Variants in NBAS observed in about 807,000 individuals in gnomAD.
The protein encoded by NBAS is NBAS subunit of NRZ tethering complex.
A neutral mutation model predicts 302.5 loss-of-function variants in NBAS; 219 were observed. The ratio of observed to expected loss-of-function variants is 0.72; its 90% CI spans 0.65 to 0.81. NBAS has a LOEUF of 0.81. Among genes scored for constraint, NBAS ranks in the 30% least tolerant of loss-of-function variants. The pLI, the probability that NBAS is intolerant of heterozygous loss-of-function variation, is 0.00. For missense variants in NBAS, 2,932 were observed against 2,841.6 expected (o/e 1.03, Z -0.72); for synonymous variants, 1,118 against 1,021.6 (o/e 1.09, Z -1.80).
the NBAS span, among the ~76,000 whole-genome samples, chr2:14,812,815 C>T: frequency 6.6e-6 from 1 of 152,098 alleles, no homozygotes; most frequent in African/African-American, 2.4e-5. Context: ...TGTGTCTGCA[C>T]CCAAATCGCG....
At chr2:15,416,112 T>C (rs1170662010) in intron 24 of NBAS, among the ~76,000 whole-genome samples, 1 of 150,296 alleles carries the variant, frequency 6.7e-6, no homozygotes, top group Non-Finnish European at 1.5e-5. Context: ...AGAGAGAGTA[T>C]AAAAAGAGGC....
intron 35 of NBAS, among the ~76,000 whole-genome samples, chr2:15,351,762 T>C (rs759214236): frequency 6.6e-6 from 1 of 152,014 alleles, no homozygotes; most frequent in South Asian, 2.1e-4. Flanking sequence ...TTCATGGGTG[T>C]TGTCTTTATG....
At chr2:15,293,099 C>T (rs1670386387) in intron 40 of NBAS, among the ~76,000 whole-genome samples, 1 of 152,156 alleles carries the variant, frequency 6.6e-6, no homozygotes, top group Non-Finnish European at 1.5e-5. Flanking sequence ...ATTTGTCTGC[C>T]AACCATCTGA....
intron 44 of NBAS, among the ~76,000 whole-genome samples, chr2:15,245,392 C>T (rs770997812): frequency 6.6e-6 from 1 of 152,138 alleles, no homozygotes; most frequent in Non-Finnish European, 1.5e-5. Context: ...CCCTCTACTT[C>T]TCTTGGGACT....
chr2:15,488,801 G>A, intron 12 of NBAS, 93 bp downstream of exon 12: 1 of 1,476,894 alleles, frequency 6.8e-7, no homozygotes, highest in Non-Finnish European at 9.4e-7. Context: ...AGAATAAACA[G>A]CTGTGTACTA....
intron 44 of NBAS, among the ~76,000 whole-genome samples, chr2:15,259,193 T>C (rs1056536704): frequency 1.8e-4 from 27 of 152,232 alleles, no homozygotes; most frequent in African/African-American, 6.0e-4. Flanking sequence ...TTTTTAAATG[T>C]TACTTTCTAT....
At chr2:15,257,381 A>T (rs1415854005) in intron 44 of NBAS, among the ~76,000 whole-genome samples, 3 of 150,302 alleles carry the variant, frequency 2.0e-5, no homozygotes, top group African/African-American at 7.3e-5. Context: ...TATCAGTTGT[A>T]ACATCTCCCA....
At chr2:15,029,938 G>A in the NBAS span, among the ~76,000 whole-genome samples, 1 of 152,160 alleles carries the variant, frequency 6.6e-6, no homozygotes, top group Non-Finnish European at 1.5e-5. Flanking sequence ...TATTTGCAGT[G>A]TTTTCTCAAA....
chr2:14,975,932 C>T, the NBAS span, among the ~76,000 whole-genome samples: 268 of 152,308 alleles, frequency 1.8e-3, 1 homozygote, highest in Admixed American at 0.015. Context: ...AAGGAACATG[C>T]CCTCTGACAA....
chr2:15,313,495 T>C (rs1056512359), intron 38 of NBAS, among the ~76,000 whole-genome samples: 2 of 152,220 alleles, frequency 1.3e-5, no homozygotes, highest in African/African-American at 4.8e-5. Context: ...AATCGATGTC[T>C]TTCTTGATCA....
chr2:15,077,430 AT>A, the NBAS span, among the ~76,000 whole-genome samples: 1 of 152,218 alleles, frequency 6.6e-6, no homozygotes, highest in East Asian at 1.9e-4. Flanking sequence ...AGTTCAACAA[AT>A]TTCCTTGGAA....
chr2:14,860,909 G>A, the NBAS span, among the ~76,000 whole-genome samples: 1 of 152,104 alleles, frequency 6.6e-6, no homozygotes, highest in African/African-American at 2.4e-5. Flanking sequence ...CAGTTACACT[G>A]ATTTGACCGT....
At chr2:15,007,204 A>G in the NBAS span, among the ~76,000 whole-genome samples, 1 of 152,162 alleles carries the variant, frequency 6.6e-6, no homozygotes, top group Admixed American at 6.5e-5. Context: ...ATCCGGATAC[A>G]CTAGGTGAGG....
chr2:15,072,538 T>G, the NBAS span, among the ~76,000 whole-genome samples: 1 of 152,350 alleles, frequency 6.6e-6, no homozygotes, highest in Admixed American at 6.5e-5. Flanking sequence ...CTTTGAAATT[T>G]CTCCAATAGA....
chr2:15,216,934 A>C (rs889061350), intron 48 of NBAS, among the ~76,000 whole-genome samples: 2 of 152,250 alleles, frequency 1.3e-5, no homozygotes, highest in Admixed American at 1.3e-4. Context: ...AGGAAAGTAC[A>C]TAACTGTAGT....
intron 42 of NBAS, 147 bp from the exon 43 acceptor site, chr2:15,277,248 A>G (rs1268488356): frequency 5.0e-6 from 5 of 1,004,976 alleles, no homozygotes; most frequent in Non-Finnish European, 7.2e-6. Context: ...GAAGCCAGTC[A>G]GCCTGAATAA....
intron 26 of NBAS, among the ~76,000 whole-genome samples, chr2:15,400,544 C>T (rs948399157): frequency 2.0e-5 from 3 of 152,002 alleles, no homozygotes; most frequent in African/African-American, 7.3e-5. Flanking sequence ...AATAACAACA[C>T]GAGCATAACA....
At chr2:15,147,131 G>A in the NBAS span, among the ~76,000 whole-genome samples, 1 of 152,144 alleles carries the variant, frequency 6.6e-6, no homozygotes, top group Non-Finnish European at 1.5e-5. Context: ...GCCCTAGAGG[G>A]CAGACCTGAG....
the NBAS span, among the ~76,000 whole-genome samples, chr2:14,801,698 T>A: frequency 3.3e-5 from 5 of 152,306 alleles, no homozygotes; most frequent in African/African-American, 1.2e-4. Flanking sequence ...TGGTAATTTT[T>A]TATTGAATTT....
Sources: gnomAD v4.1 joint callset for allele counts (sites outside exome capture counted in the v4.1 genomes callset) on GRCh38, gnomAD v4.1.1 for gene constraint, MANE v1.5 for transcripts, NCBI Gene and HGNC (gene_info 2026-07-23, HGNC 2026-07-21) for gene names.